The following RSPRY1 variants were observed in gnomAD, a reference collection of about 807,000 sequenced individuals.
RSPRY1 encodes ring finger and SPRY domain containing 1.
RSPRY1 carries 23 observed loss-of-function variants against 73.1 expected under a neutral mutation model. The observed-to-expected ratio is 0.31, with a 90% confidence interval of 0.23 to 0.45. RSPRY1 has a LOEUF of 0.45. RSPRY1 is among the 20% of genes least tolerant of loss of function. The probability of loss-of-function intolerance (pLI) is 1.00; values close to 1 mark genes in which losing one functional copy is unlikely to be tolerated. For synonymous variants in RSPRY1, 226 were observed against 251.4 expected, an observed-to-expected ratio of 0.90 and a Z score of 0.95; for missense variants, 448 against 698.7, an observed-to-expected ratio of 0.64 and a Z score of 4.05.
At chr16:57,201,829 C>T (rs893926456) in intron 1 of RSPRY1, among the ~76,000 whole-genome samples, 1 of 152,186 alleles carries the variant, frequency 6.6e-6, no homozygotes, top group African/African-American at 2.4e-5. Flanking sequence ...CGTGGCGGTG[C>T]GCGCCTGCAA....
At chr16:57,200,917 G>A (rs1405583852) in intron 1 of RSPRY1, among the ~76,000 whole-genome samples, 4 of 110,586 alleles carry the variant, frequency 3.6e-5, no homozygotes, top group South Asian at 6.5e-4. Context: ...AGGCAGAGGC[G>A]CCCCTCACCT....
chr16:57,231,070 G>T, intron 12 of RSPRY1, 97 bp from the exon 13 acceptor site: 1 of 1,159,522 alleles, frequency 8.6e-7, no homozygotes, highest in African/African-American at 1.5e-5. Flanking sequence ...GCCAGGGTAG[G>T]ATTGACTCAC....
At chr16:57,209,044 CCAT>C (rs1314656858) in intron 3 of RSPRY1, 28 bp from the exon 4 acceptor site, 1 of 1,373,628 alleles carries the variant, frequency 7.3e-7, no homozygotes, top group African/African-American at 1.4e-5. Flanking sequence ...AATAGTGACT[CCAT>C]CATATAATCT....
intron 1 of RSPRY1, among the ~76,000 whole-genome samples, chr16:57,188,990 C>CTTTT (rs111782511): frequency 3.3e-5 from 4 of 121,474 alleles, no homozygotes; most frequent in Non-Finnish European, 7.0e-5. Context: ...TACTCAGTGA[C>CTTTT]TTTTTTTTTT....
intron 13 of RSPRY1, among the ~76,000 whole-genome samples, chr16:57,232,239 T>G (rs1352796947): frequency 2.6e-5 from 4 of 152,164 alleles, no homozygotes; most frequent in Admixed American, 2.0e-4. Flanking sequence ...AAAGCAGATC[T>G]GCAAGCAGTG....
chr16:57,186,225 AT>A, upstream of RSPRY1: 1 of 963,328 alleles, frequency 1.0e-6, no homozygotes, highest in Non-Finnish European at 1.2e-6. Flanking sequence ...ACGTGACACG[AT>A]TTTTGAAAGG....
Position 57,213,021 on chromosome 16 carries a change from C to A in RSPRY1, c.566C>A (p.Ala189Asp), listed in dbSNP as rs2074874166. Reference protein sequence around the residue: ...TEILNLNGEVACQDSSHPAKH... With the variant: ...TEILNLNGEVDCQDSSHPAKH... ...ATTCTCAATTTAAATGGAGAAGTAG[C>A]TTGCCAGGACTCAAGCCATCCTGCC... is the stretch of plus-strand genomic sequence containing the variant. The change falls in exon 5 of 15, where the codon GCT becomes GAT. Residue 189 changes from alanine (A) to aspartate (D), a missense_variant. Coordinates refer to ENST00000394420, the MANE Select transcript of RSPRY1 (RefSeq NM_133368.3). 1 of 1,613,958 alleles carries A rather than the reference C, an allele frequency of 6.2e-7. No homozygotes were observed. Among genetic ancestry groups the A allele is most frequent in the African/African-American group, 1.3e-5 (1 of 74,922 alleles).
At chr16:57,227,224 C>G (rs1348876647) in intron 10 of RSPRY1, 118 bp from the exon 11 acceptor site, 4 of 689,844 alleles carry the variant, frequency 5.8e-6, no homozygotes, top group Non-Finnish European at 1.1e-5. Flanking sequence ...TGAGCTCTCT[C>G]ATCATCCAGA....
chr16:57,209,326 A>T, intron 4 of RSPRY1, 139 bp downstream of exon 4: 1 of 582,616 alleles, frequency 1.7e-6, no homozygotes, highest in African/African-American at 1.9e-5. Flanking sequence ...TTTGTTATGT[A>T]AATTTATTTT....
At chr16:57,194,028 T>C (rs774045976) in intron 1 of RSPRY1, among the ~76,000 whole-genome samples, 1 of 151,756 alleles carries the variant, frequency 6.6e-6, no homozygotes, top group African/African-American at 2.4e-5. Context: ...ATCACACCAG[T>C]GCACTCCATC....
intron 13 of RSPRY1, 71 bp downstream of exon 13, chr16:57,231,390 A>G: frequency 7.0e-7 from 1 of 1,427,636 alleles, no homozygotes; most frequent in South Asian, 1.3e-5. Flanking sequence ...ATTTATAATC[A>G]ACGTTAAAAG....
At chr16:57,194,969 A>AT (rs59857329) in intron 1 of RSPRY1, among the ~76,000 whole-genome samples, 50 of 151,194 alleles carry the variant, frequency 3.3e-4, no homozygotes, top group South Asian at 1.3e-3. Flanking sequence ...AAGTTTGATT[A>AT]TTTTTTTTTG....
At chr16:57,201,420 C>A (rs1348097972) in intron 1 of RSPRY1, among the ~76,000 whole-genome samples, 2 of 150,048 alleles carry the variant, frequency 1.3e-5, no homozygotes, top group Non-Finnish European at 3.0e-5. Flanking sequence ...CAGAGACGCT[C>A]CTCACTTCCT....
intron 1 of RSPRY1, among the ~76,000 whole-genome samples, chr16:57,192,511 T>C (rs892298915): frequency 6.6e-6 from 1 of 152,200 alleles, no homozygotes; most frequent in Non-Finnish European, 1.5e-5. Flanking sequence ...TATTATTTGC[T>C]TCCGGAAATT....
At chr16:57,212,924 A>T in intron 4 of RSPRY1, 48 bp from the exon 5 acceptor site, 1 of 1,566,306 alleles carries the variant, frequency 6.4e-7, no homozygotes, top group Non-Finnish European at 8.6e-7. Context: ...CTGGGAAAAC[A>T]ACCTGTGTAG....
At chr16:57,230,647 T>C in intron 11 of RSPRY1, 64 bp from the exon 12 acceptor site, 1 of 887,222 alleles carries the variant, frequency 1.1e-6, no homozygotes, top group Non-Finnish European at 1.8e-6. Context: ...ACACTTGAGA[T>C]GCTTAGCAAA....
In RSPRY1 at chr16:57,231,264, A is replaced by T. The variant is rs1006579222; in HGVS notation, c.1474A>T (p.Ser492Cys). Residue 492 changes from serine (S) to cysteine (C), a missense_variant, in exon 13 of 15, where the codon AGC becomes TGC. Physicochemically the swap from Ser to Cys is moderately radical, Grantham distance 112. Transcript: ENST00000394420. ...CAAATACCCACCATCTATGAAATTT[A>T]GCACTTTTAATGACTACGCCTTCCT... ...PFKYPPSMKF[S>C]TFNDYAFLTA... 2.5e-6 allele frequency: 4 copies of T among 1,613,950 alleles called. No homozygotes were observed. The highest frequency in any genetic ancestry group is 2.2e-5 in the South Asian group (2 of 91,080).
chr16:57,234,617 C>G (rs563379579), intron 13 of RSPRY1, among the ~76,000 whole-genome samples: 5 of 152,334 alleles, frequency 3.3e-5, no homozygotes, highest in East Asian at 1.9e-4. Context: ...ACAGTTTTGC[C>G]TGTCTGCTTC....
chr16:57,215,055 G>A lies in RSPRY1; in HGVS notation c.703-1052G>A, dbSNP rs143934894. ...AAAAAAAAAAAGACTAAATGAGAAGGTGGGTGGTATGGGTAATGAGAGCCG... is the reference window on the plus strand; with the variant it reads ...AAAAAAAAAAAGACTAAATGAGAAGATGGGTGGTATGGGTAATGAGAGCCG... On this transcript the variant is annotated intron_variant, in intron 6 of 14. Transcript: ENST00000394420. Among the ~76,000 whole-genome samples the A allele has an allele frequency of 5.1e-3, 775 of 152,184 alleles. 8 individuals are homozygous for A. The highest frequency in any genetic ancestry group is 0.018 in the African/African-American group (751 of 41,538).
Sources: gnomAD v4.1 joint callset for allele counts (sites outside exome capture counted in the v4.1 genomes callset) on GRCh38, gnomAD v4.1.1 for gene constraint, MANE v1.5 for transcripts, NCBI Gene and HGNC (gene_info 2026-07-23, HGNC 2026-07-21) for gene names.